Variants in NME3 observed in about 807,000 individuals in gnomAD.
The protein encoded by NME3 is NME/NM23 nucleoside diphosphate kinase 3, also known as nucleoside diphosphate kinase C.
NME3 carries 23 observed loss-of-function variants against 15.8 expected under a neutral mutation model. The observed-to-expected ratio is 1.45, with a 90% confidence interval of 1.05 to 2.06. The LOEUF is 2.06. NME3 is among the 30% of genes most tolerant of loss of function. The pLI is 0.00. For missense variants in NME3, 354 were observed against 243.2 expected (o/e 1.46, Z -3.03); for synonymous variants, 157 against 104.4 (o/e 1.50, Z -3.07).
In NME3 at chr16:1,771,374, A is replaced by T; in HGVS notation, c.83T>A (p.Val28Glu). ...CCGCCGCTGCACGCCGTCCGGCTTC[A>T]CGGCCAGGAAGGTGCGTTCGTGTGC... is the stretch of plus-strand genomic sequence containing the variant. ...TGAHERTFLA[V>E]KPDGVQRRLV... Residue 28 changes from valine to glutamate, a missense_variant, in exon 2 of 5, where the codon GTG (valine) becomes GAG (glutamate). By Grantham distance (121) the Val-to-Glu change is moderately radical (BLOSUM62 -2). Coordinates refer to ENST00000219302, the MANE Select transcript of NME3 (RefSeq NM_002513.3). The T allele has an allele frequency of 6.4e-7, 1 of 1,570,144 alleles. No homozygotes were observed. The highest frequency in any genetic ancestry group is 1.8e-5 in the Admixed American group (1 of 54,714).
chr16:1,770,949 G>C lies in NME3; in HGVS notation c.324C>G (p.Ile108Met). ...LDVVRTSRAL[I>M]GATNPADAPP... is the part of the protein sequence containing the mutation. The stretch of plus-strand genomic sequence containing the variant: ...GGGCGTCGGCCGGGTTCGTGGCTCC[G>C]ATGAGCGCCCGCGAGGTGCGCACCA... The change falls in exon 4 of 5, where the codon ATC becomes ATG. Residue 108 changes from isoleucine (I) to methionine (M), a missense_variant. Transcript: ENST00000219302. 1 of 1,586,876 alleles carries C rather than the reference G, an allele frequency of 6.3e-7. No individual in the cohort carries two copies. The highest frequency in any genetic ancestry group is 8.6e-7 in the Non-Finnish European group (1 of 1,162,292).
chr16:1,770,355 G>A lies in NME3; in HGVS notation c.*294C>T, dbSNP rs192948869. On this transcript the variant is annotated 3_prime_UTR_variant, in exon 5 of 5. Transcript: ENST00000219302. ...TGGGCCCAAATCGAAACGAAAACGA[G>A]GACTTTATTATAAAAAAACGTTGGA... 1,401 of 367,640 alleles carry A rather than the reference G, an allele frequency of 3.8e-3. 23 individuals carry two copies. Among genetic ancestry groups the A allele is most frequent in the Middle Eastern group, 0.024 (34 of 1,440 alleles). The allele number at this position is 367,640 out of a possible 1,614,324, so 22.8% of individuals were successfully genotyped here.
Position 1,771,472 on chromosome 16 carries a change from C to A in NME3, c.46+17G>T. 1 of 1,330,388 alleles carries A rather than the reference C, an allele frequency of 7.5e-7. No homozygotes were observed. The highest frequency in any genetic ancestry group is 2.4e-5 in the South Asian group (1 of 42,330). 82.4% of individuals were successfully genotyped at this position (1,330,388 alleles called of 1,614,324 possible). On this transcript the variant is annotated intron_variant, in intron 1 of 4. Transcript: ENST00000219302. ...CAGCACCGGCCACCCGCCCCCGGCC[C>A]GCGCCGCGCGGCTCACCCGCGGGGA...
chr16:1,771,450 C>T (rs1038141837), intron 1 of NME3, 39 bp downstream of exon 1: 3 of 1,387,964 alleles, frequency 2.2e-6, no homozygotes, highest in African/African-American at 3.1e-5. Context: ...GCCGGCCCAG[C>T]ACCGGCCACC....
Position 1,770,696 on chromosome 16 carries a change from C to A in NME3, c.463G>T (p.Glu155Ter), listed in dbSNP as rs1199856407. The A allele has an allele frequency of 1.3e-6, 2 of 1,585,602 alleles. No homozygotes were observed. Among genetic ancestry groups the A allele is most frequent in the East Asian group, 2.3e-5 (1 of 43,288 alleles). The change falls in exon 5 of 5, where the codon GAG (glutamate) becomes TAG (stop). Residue 155 changes from glutamate to a stop codon, truncating the protein, a stop_gained. Coordinates refer to ENST00000219302, the MANE Select transcript of NME3 (RefSeq NM_002513.3). LOFTEE classifies it low-confidence loss of function (END_TRUNC). ...REIALWFRADELLCWEDSAGH... is the reference protein window; with the variant it reads ...REIALWFRAD ...GCGCTGTCCTCCCAGCAGAGGAGCT[C>A]GTCTGCGCGGAACCAGAGAGCGATC...
chr16:1,771,409 G>A lies in NME3; in HGVS notation c.48C>T (p.Ala16=), dbSNP rs199565800. Residue 16 remains alanine, a splice_region_variant and synonymous_variant, in exon 2 of 5, where the codon GCC becomes GCT. Transcript: ENST00000219302. ...LTIFANLFPA[A]CTGAHERTFL... ...AGGTGCGTTCGTGTGCGCCGGTGCA[G>A]GCTGCGGGGCAGGCGGGGACGGGCC... 186 of 1,539,676 alleles carry A rather than the reference G, an allele frequency of 1.2e-4. 2 individuals carry two copies. In the African/African-American group the frequency reaches 2.2e-3, roughly 18 times the overall value.
Position 1,770,932 on chromosome 16 carries a change from G to T in NME3, c.341C>A (p.Ala114Asp). Reference protein sequence around the residue: ...SRALIGATNPADAPPGTIRGD... With the variant: ...SRALIGATNPDDAPPGTIRGD... The stretch of plus-strand genomic sequence containing the variant: ...GCGGATGGTGCCGGGCGGGGCGTCG[G>T]CCGGGTTCGTGGCTCCGATGAGCGC... Residue 114 changes from alanine to aspartate, a missense_variant, in exon 4 of 5, where the codon GCC becomes GAC. Transcript: ENST00000219302. The T allele has an allele frequency of 6.3e-7, 1 of 1,587,970 alleles. No individual in the cohort carries two copies. The highest frequency in any genetic ancestry group is 1.3e-5 in the African/African-American group (1 of 74,480).
In NME3 at chr16:1,771,387, T is replaced by A; in HGVS notation, c.70A>T (p.Thr24Ser). ...CCGTCCGGCTTCACGGCCAGGAAGG[T>A]GCGTTCGTGTGCGCCGGTGCAGGCT... is the stretch of plus-strand genomic sequence containing the variant. Reference protein sequence around the residue: ...PAACTGAHERTFLAVKPDGVQ... With the variant: ...PAACTGAHERSFLAVKPDGVQ... The change falls in exon 2 of 5, where the codon ACC becomes TCC. Residue 24 changes from threonine to serine, a missense_variant. By Grantham distance (58) the Thr-to-Ser change is moderately conservative. Transcript: ENST00000219302. 1 of 1,551,418 alleles carries A rather than the reference T, an allele frequency of 6.4e-7. No homozygotes were observed. The highest frequency in any genetic ancestry group is 8.7e-7 in the Non-Finnish European group (1 of 1,149,682).
In NME3 at chr16:1,770,895, G is replaced by A. The variant is rs369883157; in HGVS notation, c.378C>T (p.Cys126=). 9.4e-5 allele frequency: 148 copies of A among 1,581,696 alleles called. No individual in the cohort carries two copies. Among genetic ancestry groups the A allele is most frequent in the Non-Finnish European group, 1.2e-4 (144 of 1,160,478 alleles). Residue 126 remains cysteine, a synonymous_variant, in exon 4 of 5, where the codon TGC becomes TGT. Transcript: ENST00000219302. ...APPGTIRGDF[C]IEVGKNLIHG... ...GCGGGCCTTACTTGCCAACCTCGATGCAGAAATCCCCGCGGATGGTGCCGG... is the reference window on the plus strand; with the variant it reads ...GCGGGCCTTACTTGCCAACCTCGATACAGAAATCCCCGCGGATGGTGCCGG...
chr16:1,771,096 T>C lies in NME3; in HGVS notation c.253A>G (p.Met85Val), dbSNP rs554355113. 6.8e-6 allele frequency: 11 copies of C among 1,610,294 alleles called. No individual in the cohort carries two copies. The highest frequency in any genetic ancestry group is 2.7e-5 in the African/African-American group (2 of 74,958). The stretch of plus-strand genomic sequence containing the variant: ...ATGGCCACCACCGGCCCGGAGGCCA[T>C]ATACTTGACAAGGCGGCCGTAGAAC... ...RPFYGRLVKY[M>V]ASGPVVAMVW... The change falls in exon 3 of 5, where the codon ATG (methionine) becomes GTG (valine). Residue 85 changes from methionine to valine, a missense_variant. Coordinates refer to ENST00000219302, the MANE Select transcript of NME3 (RefSeq NM_002513.3).
chr16:1,770,452 C>T lies in NME3; in HGVS notation c.*197G>A. On this transcript the variant is annotated 3_prime_UTR_variant, in exon 5 of 5. Coordinates refer to ENST00000219302, the MANE Select transcript of NME3 (RefSeq NM_002513.3). ...CGAGCCGCGCAGGCTCCTGGAGCAG[C>T]TCCTCGGGCAGGAAACCCTGTACGC... The T allele has an allele frequency of 2.1e-6, 1 of 475,058 alleles. No homozygotes were observed. Among genetic ancestry groups the T allele is most frequent in the Non-Finnish European group, 3.7e-6 (1 of 271,008 alleles). The allele number at this position is 475,058 out of a possible 1,614,324, so 29.4% of individuals were successfully genotyped here.
At position 1,770,704 on chromosome 16, in the gene NME3, C is replaced by T; in HGVS notation, c.455G>A (p.Arg152His). 1 of 1,587,680 alleles carries T rather than the reference C, an allele frequency of 6.3e-7. No individual in the cohort carries two copies. The highest frequency in any genetic ancestry group is 2.3e-5 in the East Asian group (1 of 43,342). Residue 152 changes from arginine to histidine, a missense_variant, in exon 5 of 5, where the codon CGC becomes CAC. Coordinates refer to ENST00000219302, the MANE Select transcript of NME3 (RefSeq NM_002513.3). ...SARREIALWF[R>H]ADELLCWEDS... ...CTCCCAGCAGAGGAGCTCGTCTGCGCGGAACCAGAGAGCGATCTCGCGGCG... is the reference window on the plus strand; with the variant it reads ...CTCCCAGCAGAGGAGCTCGTCTGCGTGGAACCAGAGAGCGATCTCGCGGCG...
At position 1,770,756 on chromosome 16, in the gene NME3, G is replaced by A. The variant is rs769347776; in HGVS notation, c.403C>T (p.His135Tyr). 4.2e-5 allele frequency: 67 copies of A among 1,602,188 alleles called. 1 individual carries two copies. In the Admixed American group the frequency reaches 1.0e-3, roughly 24 times the overall value. ...GCACTCTCCACCGAGTCGCTGCCGT[G>A]AATCAGGTTCCTGCGCGGAAGAGGC... The part of the protein sequence containing the change: ...FCIEVGKNLI[H>Y]GSDSVESARR... Residue 135 changes from histidine to tyrosine, a missense_variant, in exon 5 of 5, where the codon CAC (histidine) becomes TAC (tyrosine). Physicochemically the swap from His to Tyr is moderately conservative, Grantham distance 83 (BLOSUM62 2). Transcript: ENST00000219302.
chr16:1,770,778 A>G lies in NME3; in HGVS notation c.393-12T>C. 6.3e-7 allele frequency: 1 copy of G among 1,599,324 alleles called. No individual in the cohort carries two copies. The highest frequency in any genetic ancestry group is 2.3e-5 in the East Asian group (1 of 44,406). Reference sequence around the variant, plus strand: ...CGTGAATCAGGTTCCTGCGCGGAAGAGGCGCGTGTGAGCGTGGGAAAGAGA... The same window carrying G: ...CGTGAATCAGGTTCCTGCGCGGAAGGGGCGCGTGTGAGCGTGGGAAAGAGA... On this transcript the variant is annotated splice_polypyrimidine_tract_variant and intron_variant, in intron 4 of 4. Coordinates refer to ENST00000219302, the MANE Select transcript of NME3 (RefSeq NM_002513.3).
At position 1,770,871 on chromosome 16, in the gene NME3, CG is replaced by C. The variant is rs747810288; in HGVS notation, c.392+9del. 107 of 1,566,802 alleles carry C rather than the reference CG, an allele frequency of 6.8e-5. No individual in the cohort carries two copies. The highest frequency in any genetic ancestry group is 8.5e-5 in the Non-Finnish European group (98 of 1,152,022). On this transcript the variant is annotated intron_variant, in intron 4 of 4. Coordinates refer to ENST00000219302, the MANE Select transcript of NME3 (RefSeq NM_002513.3). ...GACGGGGCTGGGACCGTCCCCGGGG[CG>C]GGCCTTACTTGCCAACCTCGATGCA...
At position 1,771,070 on chromosome 16, in the gene NME3, C is replaced by T. The variant is rs1239041241; in HGVS notation, c.279G>A (p.Met93Ile). The T allele has an allele frequency of 3.7e-6, 6 of 1,607,204 alleles. No individual in the cohort carries two copies. The African/African-American group carries it at 6.7e-5, about 18-fold the overall frequency. Reference sequence around the variant, plus strand: ...GCCCGCCCGCTTCCCGGATACTCACCATGGCCACCACCGGCCCGGAGGCCA... The same window carrying T: ...GCCCGCCCGCTTCCCGGATACTCACTATGGCCACCACCGGCCCGGAGGCCA... ...KYMASGPVVA[M>I]VWQGLDVVRT... Residue 93 changes from methionine to isoleucine, a missense_variant and splice_region_variant, in exon 3 of 5, where the codon ATG becomes ATA. Transcript: ENST00000219302.
Position 1,770,548 on chromosome 16 carries a change from A to C in NME3, c.*101T>G. On this transcript the variant is annotated 3_prime_UTR_variant, in exon 5 of 5. Coordinates refer to ENST00000219302, the MANE Select transcript of NME3 (RefSeq NM_002513.3). Reference sequence around the variant, plus strand: ...AGGTGGATGTTCAGCAGCCCGTCCAAAGGGATGCTCCAAGCGCTGTGGGGT... The same window carrying C: ...AGGTGGATGTTCAGCAGCCCGTCCACAGGGATGCTCCAAGCGCTGTGGGGT... 1.1e-6 allele frequency: 1 copy of C among 885,462 alleles called. No homozygotes were observed. The highest frequency in any genetic ancestry group is 1.7e-6 in the Non-Finnish European group (1 of 598,192). The allele number at this position is 885,462 out of a possible 1,614,324, so 54.9% of individuals were successfully genotyped here.
chr16:1,771,230 C>T lies in NME3; in HGVS notation c.177+50G>A, dbSNP rs761988402. 11 of 1,566,924 alleles carry T rather than the reference C, an allele frequency of 7.0e-6. No homozygotes were observed. In the Admixed American group the frequency reaches 1.4e-4, roughly 20 times the overall value. Reference sequence around the variant, plus strand: ...CGGCACCTAGGCGTCCCCAGGTCCCCGCTCCCCTTCCCCCCACACCGCGCC... The same window carrying T: ...CGGCACCTAGGCGTCCCCAGGTCCCTGCTCCCCTTCCCCCCACACCGCGCC... On this transcript the variant is annotated intron_variant, in intron 2 of 4. Coordinates refer to ENST00000219302, the MANE Select transcript of NME3 (RefSeq NM_002513.3).
chr16:1,771,218 TC>T, intron 2 of NME3, 47 bp from the exon 3 acceptor site: 5 of 1,566,854 alleles, frequency 3.2e-6, no homozygotes, highest in Admixed American at 1.8e-5. Flanking sequence ...CACCTAGGCG[TC>T]CCCAGGTCCC....
Sources: allele counts gnomAD v4.1 joint callset, GRCh38; gene constraint gnomAD v4.1.1; transcripts MANE v1.5; gene names NCBI Gene and HGNC (gene_info 2026-07-23, HGNC 2026-07-21).